NIBAN2: variants seen among roughly 807,000 people sequenced by gnomAD.
The protein encoded by NIBAN2 is niban apoptosis regulator 2.
A neutral mutation model predicts 81.8 loss-of-function variants in NIBAN2; 36 were observed. The ratio of observed to expected loss-of-function variants is 0.44; its 90% CI spans 0.34 to 0.58. The LOEUF (loss-of-function observed/expected upper bound fraction) is 0.58. Among genes scored for constraint, NIBAN2 ranks in the 20% least tolerant of loss-of-function variants. The probability of loss-of-function intolerance (pLI) is 0.02; values close to 1 mark genes in which losing one functional copy is unlikely to be tolerated. For synonymous variants in NIBAN2, 445 were observed against 441.6 expected, an observed-to-expected ratio of 1.01 and a Z score of -0.10; for missense variants, 897 against 1,014.1, an observed-to-expected ratio of 0.88 and a Z score of 1.57.
Position 127,517,199 on chromosome 9 carries a change from C to G in NIBAN2, c.723G>C (p.Val241=). The G allele has an allele frequency of 6.2e-7, 1 of 1,613,916 alleles. No individual in the cohort carries two copies. Among genetic ancestry groups the G allele is most frequent in the Non-Finnish European group, 8.5e-7 (1 of 1,179,974 alleles). Residue 241 remains valine, a synonymous_variant, in exon 7 of 14, where the codon GTG becomes GTC. Coordinates refer to ENST00000373312, the MANE Select transcript of NIBAN2 (RefSeq NM_022833.4). The surrounding 1 kb of genome is among the most constrained non-coding windows in gnomAD (Gnocchi z 4.0). Reference sequence around the variant, plus strand: ...TCAGCTCAGGGCCCAGCTCCTCCATCACCAGGTTGCTCAGGATCTAGGTTG... The same window carrying G: ...TCAGCTCAGGGCCCAGCTCCTCCATGACCAGGTTGCTCAGGATCTAGGTTG... ...GNEVQILSNL[V]MEELGPELKA...
upstream of NIBAN2, among the ~76,000 whole-genome samples, chr9:127,572,847 C>T (rs906075886): frequency 2.6e-5 from 4 of 151,908 alleles, no homozygotes; most frequent in Non-Finnish European, 4.4e-5. Context: ...GAGTTTGAGA[C>T]GAGCATGGGC....
intron 1 of NIBAN2, among the ~76,000 whole-genome samples, chr9:127,543,826 G>T (rs973570847): frequency 6.6e-6 from 1 of 152,144 alleles, no homozygotes; most frequent in Non-Finnish European, 1.5e-5. Flanking sequence ...TTCCCCACTT[G>T]CAGAAAATTA....
At chr9:127,540,270 G>T (rs529190105) in intron 1 of NIBAN2, among the ~76,000 whole-genome samples, 1 of 152,346 alleles carries the variant, frequency 6.6e-6, no homozygotes, top group African/African-American at 2.4e-5. Flanking sequence ...TGGCCTGGAG[G>T]CTTGGGGAGC....
chr9:127,513,539 A>G (rs1440789680), intron 8 of NIBAN2, among the ~76,000 whole-genome samples: 3 of 152,202 alleles, frequency 2.0e-5, no homozygotes, highest in Admixed American at 2.0e-4. Context: ...AAGGTGGCCC[A>G]AAACCCACCA....
chr9:127,577,059 G>A (rs535670193), intron 1 of NIBAN2, among the ~76,000 whole-genome samples: 3 of 151,784 alleles, frequency 2.0e-5, no homozygotes, highest in East Asian at 3.9e-4. Flanking sequence ...AGTGGCTCAC[G>A]CACTTTCAGA....
chr9:127,537,165 A>G (rs1837294860), intron 1 of NIBAN2, among the ~76,000 whole-genome samples: 1 of 152,168 alleles, frequency 6.6e-6, no homozygotes, highest in Non-Finnish European at 1.5e-5. Flanking sequence ...AGGAGCTTGA[A>G]GTCAGGACCA....
intron 1 of NIBAN2, among the ~76,000 whole-genome samples, chr9:127,532,469 G>A (rs1294861670): frequency 2.0e-5 from 3 of 151,948 alleles, no homozygotes; most frequent in Non-Finnish European, 2.9e-5. Context: ...GGTGGCAGGC[G>A]CCTGTAAGGC....
chr9:127,560,890 T>C (rs1255463181), intron 1 of NIBAN2, among the ~76,000 whole-genome samples: 1 of 152,114 alleles, frequency 6.6e-6, no homozygotes, highest in Non-Finnish European at 1.5e-5. Flanking sequence ...CAAAAGGGTT[T>C]TCAGAGGCAG....
chr9:127,507,875 A>T lies in NIBAN2; in HGVS notation c.1646T>A (p.Ile549Asn), dbSNP rs1836640836. The T allele has an allele frequency of 6.2e-7, 1 of 1,613,856 alleles. No individual in the cohort carries two copies. The change falls in exon 13 of 14, where the codon ATC becomes AAC. Residue 549 changes from isoleucine (I) to asparagine (N), a missense_variant. Ile to Asn is a moderately radical substitution (Grantham distance 149). This residue lies in a region of NIBAN2 where 619 missense variants were observed against 691.0 expected (regional missense o/e 0.90). Coordinates refer to ENST00000373312, the MANE Select transcript of NIBAN2 (RefSeq NM_022833.4). The surrounding 1 kb of genome is among the most constrained non-coding windows in gnomAD (Gnocchi z 6.8). The stretch of plus-strand genomic sequence containing the variant: ...CCCGGGACGGCACCCACCCTGCAGG[A>T]TGTCCTTCATGACGGTCTGCAGCAC... The part of the protein sequence containing the change: ...EVVLQTVMKD[I>N]LQAVKEAAVQ...
At position 127,507,086 on chromosome 9, in the gene NIBAN2, G is replaced by T. The variant is rs746906163; in HGVS notation, c.2000C>A (p.Pro667Gln). ...LAQGLRPESP[P>Q]PAGPLLNGAP... is the part of the protein sequence containing the mutation. ...CCCGTTGAGCAGGGGGCCGGCTGGT[G>T]GGGGGCTCTCAGGCCGCAGACCTTG... Residue 667 changes from proline to glutamine, a missense_variant, in exon 14 of 14, where the codon CCA becomes CAA. Pro to Gln is a moderately conservative substitution (Grantham distance 76, BLOSUM62 -1). Around this residue, in one of 3 missense-constraint regions of NIBAN2, gnomAD observed 619 missense variants for 691.0 expected, o/e 0.90. Coordinates refer to ENST00000373312, the MANE Select transcript of NIBAN2 (RefSeq NM_022833.4). This position sits in a 1 kb window ranked among gnomAD's most constrained non-coding sequence, Gnocchi z 6.8. The T allele has an allele frequency of 4.4e-6, 7 of 1,577,522 alleles. No homozygotes were observed. The highest frequency in any genetic ancestry group is 3.4e-5 in the South Asian group (3 of 87,944).
intron 1 of NIBAN2, among the ~76,000 whole-genome samples, chr9:127,544,189 T>C (rs1212381864): frequency 6.6e-6 from 1 of 152,212 alleles, no homozygotes; most frequent in Non-Finnish European, 1.5e-5. Flanking sequence ...TCTTGTTCAC[T>C]TCCGTATCCC....
At chr9:127,528,305 A>C (rs1452598012) in intron 2 of NIBAN2, among the ~76,000 whole-genome samples, 1 of 152,212 alleles carries the variant, frequency 6.6e-6, no homozygotes, top group Non-Finnish European at 1.5e-5. Context: ...TTCTGGAAGG[A>C]GATAGACCAC....
At chr9:127,572,540 G>A (rs1238400436), upstream of NIBAN2, among the ~76,000 whole-genome samples, 6 of 152,104 alleles carry the variant, frequency 3.9e-5, no homozygotes, top group Admixed American at 3.9e-4. Context: ...AAGTGGTCTA[G>A]GAAGGAGGAG....
rs771098591 is a variant in NIBAN2 at position 127,517,758 on chromosome 9, C to T, written c.705+68G>A. The stretch of plus-strand genomic sequence containing the variant: ...CCAGAGCCCCATCTCTGTACCCCAC[C>T]CCCTGCCCTCCCCTGCTGGGTCCTT... On this transcript the variant is annotated intron_variant, in intron 6 of 13. Coordinates refer to ENST00000373312, the MANE Select transcript of NIBAN2 (RefSeq NM_022833.4). The surrounding 1 kb of genome is among the most constrained non-coding windows in gnomAD (Gnocchi z 4.0). 595 of 1,195,950 alleles carry T rather than the reference C, an allele frequency of 5.0e-4. No individual in the cohort carries two copies. The highest frequency in any genetic ancestry group is 6.5e-4 in the Non-Finnish European group (530 of 817,652). 74.1% of individuals were successfully genotyped at this position (1,195,950 alleles called of 1,614,324 possible).
chr9:127,537,230 A>T (rs1343338091), intron 1 of NIBAN2, among the ~76,000 whole-genome samples: 1 of 152,136 alleles, frequency 6.6e-6, no homozygotes, highest in African/African-American at 2.4e-5. Flanking sequence ...TCAGAGACTC[A>T]CATTCTTCAT....
chr9:127,543,280 C>T (rs1478254962), intron 1 of NIBAN2, among the ~76,000 whole-genome samples: 1 of 152,190 alleles, frequency 6.6e-6, no homozygotes, highest in Non-Finnish European at 1.5e-5. Flanking sequence ...TGGCTGGGGA[C>T]ACCTCACGCC....
chr9:127,575,315 G>A lies in NIBAN2; in HGVS notation c.16+3607C>T, dbSNP rs1390866454. 2.0e-5 allele frequency among the ~76,000 whole-genome samples: 3 copies of A among 147,928 alleles called. No individual in the cohort carries two copies. In the East Asian group the frequency reaches 6.1e-4, roughly 30 times the overall value. The stretch of plus-strand genomic sequence containing the variant: ...GCGATCTCGGCTCACTGCAAACTCA[G>A]CCTCCTGGGTTCAAGCAATTCTCTG... On this transcript the variant is annotated intron_variant, in intron 1 of 13. Coordinates refer to the NIBAN2 transcript ENST00000373314.
intron 8 of NIBAN2, among the ~76,000 whole-genome samples, chr9:127,515,161 G>A (rs188806456): frequency 3.3e-5 from 5 of 152,216 alleles, no homozygotes; most frequent in South Asian, 4.2e-4. Flanking sequence ...AGGAGGTCAC[G>A]CAGTGAACCA....
Position 127,534,708 on chromosome 9 carries a change from G to C in NIBAN2, c.56-2930C>G, listed in dbSNP as rs142461930. ...TCATGTCTGTCCAGATTCCAGTTTG[G>C]GGGGAGGAAGGGGAGAACAAATGAG... On this transcript the variant is annotated intron_variant, in intron 1 of 13. Transcript: ENST00000373312. Among the ~76,000 whole-genome samples, 535 of 152,312 alleles carry C rather than the reference G, an allele frequency of 3.5e-3. 2 individuals are homozygous for C. Among genetic ancestry groups the C allele is most frequent in the East Asian group, 0.011 (56 of 5,178 alleles).
Sources: gnomAD v4.1 joint callset for allele counts (sites outside exome capture counted in the v4.1 genomes callset) on GRCh38, gnomAD v4.1.1 for gene constraint, gnomAD v4.1.1 regional missense constraint, Gnocchi (gnomAD v3.1) non-coding constraint, MANE v1.5 for transcripts, NCBI Gene and HGNC (gene_info 2026-07-23, HGNC 2026-07-21) for gene names.